The following CACNA1C variants were observed in gnomAD, a reference collection of about 807,000 sequenced individuals.
CACNA1C encodes the protein voltage-dependent L-type calcium channel subunit alpha-1C.
Under a neutral mutation model 229.0 loss-of-function variants are expected in CACNA1C, and 30 were observed. The observed-to-expected ratio is 0.13, with a 90% CI of 0.10 to 0.18. The LOEUF (loss-of-function observed/expected upper bound fraction) is 0.18. Among genes scored for constraint, CACNA1C ranks in the 10% least tolerant of loss-of-function variants. The pLI is 1.00. For missense variants in CACNA1C, 1,658 were observed against 2,845.0 expected (o/e 0.58, Z 9.49); for synonymous variants, 1,114 against 1,132.5 (o/e 0.98, Z 0.33).
At chr12:2,239,585 C>T (rs2068967724) in intron 3 of CACNA1C, among the ~76,000 whole-genome samples, 1 of 152,188 alleles carries the variant, frequency 6.6e-6, no homozygotes, top group African/African-American at 2.4e-5. Context: ...ACAGTCTGTT[C>T]TAGCTCCCTT....
Position 2,651,847 on chromosome 12 carries a change from A to C in CACNA1C, c.4074+79A>C. 1 of 1,171,164 alleles carries C rather than the reference A, an allele frequency of 8.5e-7. No homozygotes were observed. The highest frequency in any genetic ancestry group is 1.5e-5 in the South Asian group (1 of 65,894). 72.5% of individuals were successfully genotyped at this position (1,171,164 alleles called of 1,614,324 possible). ...CCAGAACACAGCTGACACAAGGAGG[A>C]GCCCTCCACTCTGGGGCCCTGCTCC... On this transcript the variant is annotated intron_variant, in intron 32 of 46. Transcript: ENST00000399655. This position sits in a 1 kb window ranked among gnomAD's most constrained non-coding sequence, Gnocchi z 5.4.
At chr12:2,515,833 A>C (rs1193525871) in intron 9 of CACNA1C, among the ~76,000 whole-genome samples, 3 of 152,212 alleles carry the variant, frequency 2.0e-5, no homozygotes, top group Admixed American at 2.0e-4. Context: ...TCTAAATATT[A>C]GTGTAAGTGA....
At chr12:2,007,267 A>G (rs552906068) in intron 1 of CACNA1C, among the ~76,000 whole-genome samples, 1 of 152,198 alleles carries the variant, frequency 6.6e-6, no homozygotes, top group African/African-American at 2.4e-5. Context: ...TACACAGATC[A>G]TTGTCCTCAT....
intron 34 of CACNA1C, 50 bp downstream of exon 34, chr12:2,655,288 G>A: frequency 8.8e-7 from 1 of 1,134,564 alleles, no homozygotes; most frequent in Non-Finnish European, 1.3e-6. Flanking sequence ...CCTGCATGGT[G>A]CCACACTGTG....
At position 2,486,405 on chromosome 12, in the gene CACNA1C, G is replaced by T; in HGVS notation, c.916+143G>T. On this transcript the variant is annotated intron_variant, in intron 6 of 46. Transcript: ENST00000399655. This position sits in a 1 kb window ranked among gnomAD's most constrained non-coding sequence, Gnocchi z 4.9. Reference sequence around the variant, plus strand: ...AGACACACACTGGGCATGGTTAAGTGAGAGGCAGAGACCCGTATCCTTTTT... The same window carrying T: ...AGACACACACTGGGCATGGTTAAGTTAGAGGCAGAGACCCGTATCCTTTTT... The T allele has an allele frequency of 1.6e-6, 1 of 608,306 alleles. No homozygotes were observed. The allele number at this position is 608,306 out of a possible 1,614,324, so 37.7% of individuals were successfully genotyped here. A position where few individuals can be genotyped will look rare whatever the true frequency, so the allele number is the denominator to read the frequency against.
intron 3 of CACNA1C, among the ~76,000 whole-genome samples, chr12:2,320,900 C>T (rs1211852961): frequency 6.6e-6 from 1 of 152,168 alleles, no homozygotes; most frequent in Non-Finnish European, 1.5e-5. Flanking sequence ...CGGGGATAGT[C>T]ACAGGTCCTG....
chr12:2,074,445 G>A (rs1253056774), intron 1 of CACNA1C, among the ~76,000 whole-genome samples: 1 of 152,138 alleles, frequency 6.6e-6, no homozygotes, highest in Admixed American at 6.5e-5. Flanking sequence ...ACTGAGGCTC[G>A]GAGATGATCT....
intron 3 of CACNA1C, among the ~76,000 whole-genome samples, chr12:2,298,238 A>G (rs540412026): frequency 2.7e-4 from 41 of 152,330 alleles, no homozygotes; most frequent in African/African-American, 9.6e-4. Flanking sequence ...CTTCTTTCAC[A>G]AGGAACACAA....
intron 3 of CACNA1C, among the ~76,000 whole-genome samples, chr12:2,375,429 G>C (rs531836584): frequency 2.6e-5 from 4 of 152,160 alleles, no homozygotes; most frequent in African/African-American, 4.8e-5. Flanking sequence ...GCCCACCTTC[G>C]GCTCCTGTGG....
intron 5 of CACNA1C, among the ~76,000 whole-genome samples, chr12:2,465,936 C>T (rs1017849902): frequency 7.2e-5 from 11 of 152,068 alleles, no homozygotes; most frequent in African/African-American, 2.7e-4. Flanking sequence ...TGCTTGACAC[C>T]AAACACTCTT....
intron 3 of CACNA1C, among the ~76,000 whole-genome samples, chr12:2,194,789 G>T (rs1404980465): frequency 6.6e-6 from 1 of 152,158 alleles, no homozygotes; most frequent in Non-Finnish European, 1.5e-5. Context: ...CTGAGGGGAG[G>T]AGTCACTGGG....
At chr12:2,362,307 T>A (rs149216056) in intron 3 of CACNA1C, among the ~76,000 whole-genome samples, 163 of 152,238 alleles carry the variant, frequency 1.1e-3, no homozygotes, top group African/African-American at 3.6e-3. Flanking sequence ...TGGGAATGCA[T>A]CCCAAGCCTG....
intron 8 of CACNA1C, among the ~76,000 whole-genome samples, chr12:2,506,428 G>A (rs775658860): frequency 6.6e-6 from 1 of 152,150 alleles, no homozygotes; most frequent in Admixed American, 6.5e-5. Flanking sequence ...TTAAATCTTA[G>A]TTTCCCCATC....
chr12:2,495,272 T>TGACCAG (rs2099744370), intron 7 of CACNA1C, among the ~76,000 whole-genome samples: 1 of 152,184 alleles, frequency 6.6e-6, no homozygotes. Flanking sequence ...CTGGGGTGGG[T>TGACCAG]CCCTCTGACC....
At chr12:2,131,710 T>G (rs939930178) in intron 3 of CACNA1C, among the ~76,000 whole-genome samples, 2 of 148,526 alleles carry the variant, frequency 1.3e-5, no homozygotes, top group African/African-American at 5.0e-5. Flanking sequence ...TACTGTAGCC[T>G]TGTAGTAAAG....
intron 3 of CACNA1C, among the ~76,000 whole-genome samples, chr12:2,195,019 T>C (rs1054788581): frequency 6.6e-6 from 1 of 152,216 alleles, no homozygotes; most frequent in Admixed American, 6.5e-5. Context: ...AAATAGGGAA[T>C]GTATTCTAAT....
chr12:2,200,537 T>C (rs766838871), intron 3 of CACNA1C, among the ~76,000 whole-genome samples: 12 of 152,140 alleles, frequency 7.9e-5, no homozygotes, highest in Admixed American at 2.0e-4. Flanking sequence ...ATAGTGTCAA[T>C]AGTGTGAGGT....
At chr12:2,680,054 C>T (rs564593020) in intron 42 of CACNA1C, among the ~76,000 whole-genome samples, 9 of 152,354 alleles carry the variant, frequency 5.9e-5, no homozygotes, top group African/African-American at 1.9e-4. Flanking sequence ...TCCTCTCCCA[C>T]ACTTCCTGAG....
intron 3 of CACNA1C, among the ~76,000 whole-genome samples, chr12:2,223,854 G>C (rs2062130397): frequency 6.6e-6 from 1 of 152,094 alleles, no homozygotes; most frequent in Non-Finnish European, 1.5e-5. Context: ...GAAGTGCATA[G>C]CAAGAGCTCA....
Sources: allele counts gnomAD v4.1 joint callset (sites outside exome capture counted in the v4.1 genomes callset), GRCh38; gene constraint gnomAD v4.1.1; non-coding constraint Gnocchi (gnomAD v3.1); transcripts MANE v1.5; gene names NCBI Gene and HGNC (gene_info 2026-07-23, HGNC 2026-07-21).